The following CMAS variants were observed in gnomAD, a reference collection of about 807,000 sequenced individuals.
CMAS encodes cytidine monophosphate N-acetylneuraminic acid synthetase.
Under a neutral mutation model 53.4 loss-of-function variants are expected in CMAS, and 21 were observed. The observed-to-expected ratio is 0.39, with a 90% confidence interval of 0.28 to 0.57. The LOEUF is 0.57. Ranked by LOEUF, CMAS falls within the 20% of genes least tolerant of loss-of-function variation. The probability of loss-of-function intolerance (pLI) is 0.56; values close to 1 mark genes in which losing one functional copy is unlikely to be tolerated. For synonymous variants in CMAS, 189 were observed against 195.2 expected (o/e 0.97, Z 0.27); for missense variants, 384 against 534.9 (o/e 0.72, Z 2.78).
At chr12:22,055,671 A>G in intron 3 of CMAS, 61 bp downstream of exon 3, 1 of 1,450,292 alleles carries the variant, frequency 6.9e-7, no homozygotes, top group Non-Finnish European at 9.5e-7. Context: ...TTTTGTATAT[A>G]AATATCCTTT....
rs764985261 is a variant in CMAS, at chr12:22,046,543, G to A, written c.240G>A (p.Leu80=). Residue 80 remains leucine (L), a synonymous_variant, in exon 1 of 8, where the codon CTG becomes CTA. Transcript: ENST00000229329. The part of the protein sequence containing the change: ...PLIGWVLRAA[L]DSGAFQSVWV... ...TTGGCTGGGTCCTGCGTGCGGCCCT[G>A]GATTCAGGGGCCTTCCAGAGGTGCG... The A allele has an allele frequency of 1.4e-5, 22 of 1,596,692 alleles. No individual in the cohort carries two copies. In the South Asian group the frequency reaches 2.5e-4, roughly 18 times the overall value.
At chr12:22,053,834 G>C (rs866483890) in intron 1 of CMAS, among the ~76,000 whole-genome samples, 2 of 150,300 alleles carry the variant, frequency 1.3e-5, no homozygotes, top group Admixed American at 6.6e-5. Context: ...AGCCGAGATC[G>C]CGCCACTGCA....
intron 1 of CMAS, among the ~76,000 whole-genome samples, chr12:22,048,167 G>C (rs1159097198): frequency 6.6e-5 from 10 of 152,212 alleles, no homozygotes; most frequent in Non-Finnish European, 1.2e-4. Flanking sequence ...TGTAGTAGCA[G>C]TAGAGACAGC....
chr12:22,050,537 C>T (rs1404493817), intron 1 of CMAS, among the ~76,000 whole-genome samples: 2 of 152,172 alleles, frequency 1.3e-5, no homozygotes, highest in Non-Finnish European at 2.9e-5. Flanking sequence ...ATTTCTGGTG[C>T]TAACATTCTT....
chr12:22,053,541 C>T (rs184360256), intron 1 of CMAS, among the ~76,000 whole-genome samples: 5 of 148,188 alleles, frequency 3.4e-5, no homozygotes, highest in African/African-American at 1.2e-4. Flanking sequence ...ACACATACAC[C>T]AAAGACTATA....
chr12:22,056,437 A>G (rs935429685), intron 3 of CMAS, among the ~76,000 whole-genome samples: 1 of 152,200 alleles, frequency 6.6e-6, no homozygotes, highest in Admixed American at 6.5e-5. Context: ...TCAGGAAGAT[A>G]GGATAAGGGG....
chr12:22,061,125 C>CTGTACTATA (rs757618975), intron 5 of CMAS, among the ~76,000 whole-genome samples, 156 bp from the exon 6 acceptor site: 12 of 152,226 alleles, frequency 7.9e-5, no homozygotes, highest in Non-Finnish European at 1.3e-4. Context: ...CTTTTACTTA[C>CTGTACTATA]TGTACTATAT....
In CMAS at chr12:22,058,569, C is replaced by G; in HGVS notation, c.562C>G (p.Arg188Gly). The change falls in exon 4 of 8, where the codon CGT becomes GGT. Residue 188 changes from arginine to glycine, a missense_variant and splice_region_variant. Arg to Gly is a moderately radical substitution (Grantham distance 125). This residue lies in a region of CMAS where 139 missense variants were observed against 248.0 expected (regional missense o/e 0.56). Transcript: ENST00000229329. ...TTACTCTAACTTTTTGCTTTTAGTTCGTGAAGTGACCGAACCTCTGAATTT... is the reference window on the plus strand; with the variant it reads ...TTACTCTAACTTTTTGCTTTTAGTTGGTGAAGTGACCGAACCTCTGAATTT... ...FRWSEIQKGVREVTEPLNLNP... is the reference protein window; with the variant it reads ...FRWSEIQKGVGEVTEPLNLNP... 3.1e-6 allele frequency: 5 copies of G among 1,611,202 alleles called. No individual in the cohort carries two copies. The highest frequency in any genetic ancestry group is 4.2e-6 in the Non-Finnish European group (5 of 1,178,846).
chr12:22,060,796 TAAA>T, intron 4 of CMAS, 33 bp from the exon 5 acceptor site: 1 of 1,190,300 alleles, frequency 8.4e-7, no homozygotes, highest in Non-Finnish European at 1.3e-6. Context: ...GAATGAATAT[TAAA>T]AACAGTATTC....
intron 1 of CMAS, 28 bp from the exon 2 acceptor site, chr12:22,055,121 C>T: frequency 6.5e-7 from 1 of 1,536,216 alleles, no homozygotes; most frequent in Non-Finnish European, 8.8e-7. Context: ...TTTGATTTGG[C>T]TGTTAATTTC....
At chr12:22,053,327 G>C (rs930611730) in intron 1 of CMAS, among the ~76,000 whole-genome samples, 3 of 151,476 alleles carry the variant, frequency 2.0e-5, no homozygotes, top group African/African-American at 7.3e-5. Context: ...CTTTCCCTCA[G>C]TAGATATCGA....
Position 22,055,206 on chromosome 12 carries a change from A to C in CMAS, c.318A>C (p.Ala106=). The stretch of plus-strand genomic sequence containing the variant: ...AGAATGTGGCCAAACAATTTGGTGC[A>C]CAAGTTCATCGAAGAAGTTCTGAAG... ...EIENVAKQFG[A]QVHRRSSEVS... is the part of the protein sequence containing the mutation. Residue 106 remains alanine, a synonymous_variant, in exon 2 of 8, where the codon GCA becomes GCC. Transcript: ENST00000229329. The C allele has an allele frequency of 6.2e-7, 1 of 1,613,256 alleles. No homozygotes were observed. Among genetic ancestry groups the C allele is most frequent in the Non-Finnish European group, 8.5e-7 (1 of 1,179,296 alleles).
intron 1 of CMAS, among the ~76,000 whole-genome samples, chr12:22,053,125 C>T (rs1248359883): frequency 6.6e-6 from 1 of 151,900 alleles, no homozygotes; most frequent in African/African-American, 2.4e-5. Flanking sequence ...AAAACCCCAT[C>T]TTTACTAAAA....
chr12:22,061,238 AGTACTGCACTT>A, intron 5 of CMAS, 32 bp from the exon 6 acceptor site: 1 of 1,337,676 alleles, frequency 7.5e-7, no homozygotes, highest in Non-Finnish European at 1.1e-6. Context: ...GGGAGTGATT[AGTACTGCACTT>A]GTACTCAAAG....
Position 22,057,415 on chromosome 12 carries a change from A to C in CMAS, c.560-1152A>C, listed in dbSNP as rs569247762. 2.0e-5 allele frequency among the ~76,000 whole-genome samples: 3 copies of C among 152,144 alleles called. No homozygotes were observed. In the South Asian group the frequency reaches 6.2e-4, roughly 31 times the overall value. On this transcript the variant is annotated intron_variant, in intron 3 of 7. Transcript: ENST00000229329. ...TCAGGTATACTCATAAACATAATTT[A>C]TTATTATGTTTAGTATATTTTTAAC...
chr12:22,057,525 T>C (rs1950276128), intron 3 of CMAS, among the ~76,000 whole-genome samples: 1 of 152,192 alleles, frequency 6.6e-6, no homozygotes, highest in South Asian at 2.1e-4. Flanking sequence ...TCTTTACTTT[T>C]CAGCAATAAT....
Position 22,055,623 on chromosome 12 carries a change from C to T in CMAS, c.559+13C>T, listed in dbSNP as rs1414880869. 1 of 1,603,130 alleles carries T rather than the reference C, an allele frequency of 6.2e-7. No individual in the cohort carries two copies. The highest frequency in any genetic ancestry group is 8.5e-7 in the Non-Finnish European group (1 of 1,177,088). ...ATTCAGAAAGGAGGTAATCTCTTTT[C>T]AGTCTTTATTTTAGCTGATTTTATT... is the stretch of plus-strand genomic sequence containing the variant. On this transcript the variant is annotated intron_variant, in intron 3 of 7. Transcript: ENST00000229329.
At chr12:22,050,113 A>G (rs1279335512) in intron 1 of CMAS, among the ~76,000 whole-genome samples, 1 of 152,194 alleles carries the variant, frequency 6.6e-6, no homozygotes, top group Non-Finnish European at 1.5e-5. Context: ...TGATCCCCTC[A>G]GTGAAAAGTA....
At chr12:22,048,228 A>G (rs1003108779) in intron 1 of CMAS, among the ~76,000 whole-genome samples, 3 of 152,238 alleles carry the variant, frequency 2.0e-5, no homozygotes, top group Non-Finnish European at 2.9e-5. Context: ...TGCAGTATAC[A>G]AGAACATTAA....
Sources: gnomAD v4.1 joint callset for allele counts (sites outside exome capture counted in the v4.1 genomes callset) on GRCh38, gnomAD v4.1.1 for gene constraint, gnomAD v4.1.1 regional missense constraint, MANE v1.5 for transcripts, NCBI Gene and HGNC (gene_info 2026-07-23, HGNC 2026-07-21) for gene names.